Variants in ERP44 observed in about 807,000 individuals in gnomAD.
The protein encoded by ERP44 is endoplasmic reticulum resident protein 44.
A neutral mutation model predicts 53.4 loss-of-function variants in ERP44; 25 were observed. The ratio of observed to expected loss-of-function variants is 0.47; its 90% CI spans 0.34 to 0.65. The LOEUF is 0.65. Among genes scored for constraint, ERP44 ranks in the 30% least tolerant of loss-of-function variants. ERP44 has a pLI of 0.01. For synonymous variants in ERP44, 145 were observed against 161.2 expected, an observed-to-expected ratio of 0.90 and a Z score of 0.76; for missense variants, 338 against 493.2, an observed-to-expected ratio of 0.69 and a Z score of 2.98.
chr9:100,025,362 A>G (rs1830640861), intron 4 of ERP44, among the ~76,000 whole-genome samples: 1 of 152,242 alleles, frequency 6.6e-6, no homozygotes, highest in Non-Finnish European at 1.5e-5. Flanking sequence ...TCAAGAATAT[A>G]GATGCAAAAC....
At chr9:99,995,797 G>A (rs187156441) in intron 10 of ERP44, among the ~76,000 whole-genome samples, 2 of 151,906 alleles carry the variant, frequency 1.3e-5, no homozygotes, top group Admixed American at 6.6e-5. Context: ...GATTGATTCC[G>A]TATCTTGCCT....
intron 1 of ERP44, among the ~76,000 whole-genome samples, chr9:100,064,053 G>A (rs1826185148): frequency 6.6e-6 from 1 of 152,168 alleles, no homozygotes; most frequent in Non-Finnish European, 1.5e-5. Flanking sequence ...CCATTAGATG[G>A]TTATTAAAAA....
chr9:100,044,090 C>T (rs1311868791), intron 4 of ERP44, among the ~76,000 whole-genome samples: 1 of 152,054 alleles, frequency 6.6e-6, no homozygotes, highest in African/African-American at 2.4e-5. Flanking sequence ...AAAATTTTGC[C>T]TTACGATCAA....
In ERP44 at chr9:99,980,898, C is replaced by T. The variant is rs1174126318; in HGVS notation, c.*1714G>A. 1 of 152,214 alleles carries T rather than the reference C, an allele frequency of 6.6e-6. No individual in the cohort carries two copies. Among genetic ancestry groups the T allele is most frequent in the Non-Finnish European group, 1.5e-5 (1 of 68,040 alleles). 9.4% of individuals were successfully genotyped at this position (152,214 alleles called of 1,614,324 possible). ...CATAATAACTACTCTCAAGCCAGCT[C>T]TCTGCAACCTAACCCTTGAATTGTA... On this transcript the variant is annotated 3_prime_UTR_variant, in exon 12 of 12. Transcript: ENST00000262455.
chr9:100,040,166 T>C (rs901898022), intron 4 of ERP44, among the ~76,000 whole-genome samples: 1 of 152,166 alleles, frequency 6.6e-6, no homozygotes, highest in African/African-American at 2.4e-5. Context: ...TCCAGACTTA[T>C]TCTATGAGAA....
intron 4 of ERP44, among the ~76,000 whole-genome samples, chr9:100,041,705 AACAG>A (rs757163362): frequency 3.9e-5 from 6 of 152,112 alleles, no homozygotes; most frequent in Admixed American, 6.5e-5. Context: ...ACAAACAAAA[AACAG>A]ACAGATATAT....
At chr9:99,999,103 GGCGTGGACACGGC>G in intron 10 of ERP44, 1 of 659,022 alleles carries the variant, frequency 1.5e-6, no homozygotes. Flanking sequence ...ACAGCGGCGG[GGCGTGGACACGGC>G]GCACCTGAGG....
intron 10 of ERP44, among the ~76,000 whole-genome samples, chr9:100,003,415 G>C (rs985662532): frequency 5.3e-5 from 8 of 152,206 alleles, no homozygotes; most frequent in Admixed American, 3.3e-4. Flanking sequence ...TGAAGATGTA[G>C]AGACTTATTC....
chr9:100,079,335 C>G (rs1026620366), intron 1 of ERP44, among the ~76,000 whole-genome samples: 11 of 151,820 alleles, frequency 7.2e-5, no homozygotes, highest in Non-Finnish European at 1.5e-4. Flanking sequence ...ACTGGCTCTC[C>G]TTGCTCCTCA....
intron 4 of ERP44, among the ~76,000 whole-genome samples, chr9:100,049,656 T>C (rs2118703345): frequency 6.6e-6 from 1 of 152,364 alleles, no homozygotes; most frequent in Admixed American, 6.5e-5. Flanking sequence ...TCTCATGTAC[T>C]ATTAGTGGGT....
chr9:100,001,035 T>C (rs1830370787), intron 10 of ERP44, among the ~76,000 whole-genome samples: 1 of 152,194 alleles, frequency 6.6e-6, no homozygotes, highest in South Asian at 2.1e-4. Context: ...TTTTGTTTGG[T>C]ATGTTGTATT....
At chr9:100,008,578 C>A (rs1303316189) in intron 8 of ERP44, among the ~76,000 whole-genome samples, 1 of 152,152 alleles carries the variant, frequency 6.6e-6, no homozygotes, top group Non-Finnish European at 1.5e-5. Context: ...AACTACCTCA[C>A]CAGAAAGTAC....
intron 1 of ERP44, among the ~76,000 whole-genome samples, chr9:100,069,606 T>C (rs1826277274): frequency 6.6e-6 from 1 of 152,030 alleles, no homozygotes; most frequent in African/African-American, 2.4e-5. Context: ...AAAATAGATA[T>C]ATTTATTTCT....
At chr9:100,084,170 C>G (rs926809181) in intron 1 of ERP44, among the ~76,000 whole-genome samples, 7 of 152,174 alleles carry the variant, frequency 4.6e-5, no homozygotes, top group African/African-American at 1.7e-4. Flanking sequence ...GAATACATCA[C>G]AGTCACTTAA....
chr9:100,063,003 G>C (rs1429899203), intron 1 of ERP44, among the ~76,000 whole-genome samples: 1 of 143,890 alleles, frequency 6.9e-6, no homozygotes, highest in Admixed American at 7.4e-5. Context: ...GAACCCAGAA[G>C]TTCGAGTTTG....
At chr9:100,082,369 G>A (rs563627567) in intron 1 of ERP44, among the ~76,000 whole-genome samples, 152 of 134,834 alleles carry the variant, frequency 1.1e-3, no homozygotes, top group Non-Finnish European at 1.5e-3. Flanking sequence ...CCAGAACTTA[G>A]AGTGAAATAT....
intron 1 of ERP44, among the ~76,000 whole-genome samples, chr9:100,068,344 C>A (rs1159164181): frequency 7.3e-6 from 1 of 137,462 alleles, no homozygotes; most frequent in African/African-American, 2.9e-5. Flanking sequence ...GGGGGTCAGC[C>A]CCCCGCCCGG....
chr9:100,057,938 T>C, intron 2 of ERP44, 79 bp from the exon 3 acceptor site: 1 of 1,136,744 alleles, frequency 8.8e-7, no homozygotes. Flanking sequence ...ATTATGATCT[T>C]TGTCCAATAT....
chr9:100,055,559 C>T (rs4743382), intron 3 of ERP44, among the ~76,000 whole-genome samples: 70,224 of 151,492 alleles, frequency 0.46, 17,505 homozygotes, highest in East Asian at 0.9. Context: ...TTAGTAAAGA[C>T]GGGGTTTCAC....
Sources: gnomAD v4.1 joint callset for allele counts (sites outside exome capture counted in the v4.1 genomes callset) on GRCh38, gnomAD v4.1.1 for gene constraint, MANE v1.5 for transcripts, NCBI Gene and HGNC (gene_info 2026-07-23, HGNC 2026-07-21) for gene names.